The following AAGAB variants were observed in gnomAD, a reference collection of about 807,000 sequenced individuals.
AAGAB encodes the protein alpha and gamma adaptin binding protein, also known as alpha- and gamma-adaptin-binding protein p34.
AAGAB carries 38 observed loss-of-function variants against 44.1 expected under a neutral mutation model. The ratio of observed to expected loss-of-function variants is 0.86; its 90% CI spans 0.67 to 1.13. AAGAB has a LOEUF of 1.13. AAGAB is among the 50% of genes most tolerant of loss of function. AAGAB has a pLI of 0.00. For synonymous variants in AAGAB, 131 were observed against 131.8 expected (o/e 0.99, Z 0.04); for missense variants, 450 against 373.8 (o/e 1.20, Z -1.68).
rs12148121 is a variant in AAGAB at position 67,202,584 on chromosome 15, T to C, written c.*237A>G. The C allele has an allele frequency of 0.24, 115,802 of 484,966 alleles. 16,598 individuals are homozygous for C. Among genetic ancestry groups the C allele is most frequent in the East Asian group, 0.48 (15,405 of 32,016 alleles). The allele number at this position is 484,966 out of a possible 1,614,324, so 30.0% of individuals were successfully genotyped here. A position where few individuals can be genotyped will look rare whatever the true frequency, so the allele number is the denominator to read the frequency against. On this transcript the variant is annotated 3_prime_UTR_variant, in exon 10 of 10. Coordinates refer to ENST00000261880, the MANE Select transcript of AAGAB (RefSeq NM_024666.5). ...TCATTCCTAGAACAAAAAAAAAGTA[T>C]ATTTAAGAAATCCTCACTCATTACT...
chr15:67,247,218 G>A (rs770668897), intron 1 of AAGAB, among the ~76,000 whole-genome samples: 32 of 152,168 alleles, frequency 2.1e-4, no homozygotes, highest in Non-Finnish European at 3.1e-4. Flanking sequence ...CACTCACAAC[G>A]AGGGTTCACG....
intron 1 of AAGAB, among the ~76,000 whole-genome samples, chr15:67,249,381 A>C (rs534664138): frequency 6.6e-6 from 1 of 152,310 alleles, no homozygotes; most frequent in Admixed American, 6.5e-5. Flanking sequence ...AAATGATCTC[A>C]AATAACCCTT....
intron 5 of AAGAB, among the ~76,000 whole-genome samples, chr15:67,216,834 TAA>T (rs1277221839): frequency 6.6e-6 from 1 of 151,944 alleles, no homozygotes; most frequent in African/African-American, 2.4e-5. Flanking sequence ...AAGAAAGTAC[TAA>T]AAAAGTTTTT....
intron 5 of AAGAB, 110 bp from the exon 6 acceptor site, chr15:67,209,654 C>CAT (rs1011904423): frequency 9.9e-5 from 82 of 826,144 alleles, no homozygotes; most frequent in Non-Finnish European, 1.3e-4. Context: ...GTTCTAACTA[C>CAT]ATATATATAT....
Position 67,236,067 on chromosome 15 carries a change from A to C in AAGAB, c.363T>G (p.Gly121=). Reference sequence around the variant, plus strand: ...ATTCTTGAGCTTTTTGTCGGTTTATACCTAAAATAATATGCAAAAGAATCT... The same window carrying C: ...ATTCTTGAGCTTTTTGTCGGTTTATCCCTAAAATAATATGCAAAAGAATCT... ...ILVCDRVSED[G]INRQKAQEWC... is the part of the protein sequence containing the mutation. The change falls in exon 4 of 10, where the codon GGT becomes GGG. Residue 121 remains glycine, a splice_region_variant and synonymous_variant. Transcript: ENST00000261880. 1 of 1,601,348 alleles carries C rather than the reference A, an allele frequency of 6.2e-7. No homozygotes were observed. The highest frequency in any genetic ancestry group is 8.5e-7 in the Non-Finnish European group (1 of 1,171,646).
intron 7 of AAGAB, among the ~76,000 whole-genome samples, 171 bp downstream of exon 7, chr15:67,208,391 C>A (rs994288733): frequency 1.3e-5 from 2 of 152,148 alleles, no homozygotes; most frequent in Non-Finnish European, 2.9e-5. Flanking sequence ...TATATTTATT[C>A]TTCTTCCTTT....
chr15:67,213,767 GGTTA>G (rs1963878678), intron 5 of AAGAB, among the ~76,000 whole-genome samples: 1 of 151,996 alleles, frequency 6.6e-6, no homozygotes, highest in Non-Finnish European at 1.5e-5. Context: ...TTTTCCTAAG[GGTTA>G]GTAATAGATA....
intron 5 of AAGAB, among the ~76,000 whole-genome samples, chr15:67,225,566 C>T (rs971473949): frequency 3.3e-5 from 5 of 152,204 alleles, no homozygotes; most frequent in Admixed American, 3.3e-4. Context: ...CCTCTCCTCC[C>T]ATACCCTGGG....
At chr15:67,229,119 G>A (rs1205883356) in intron 5 of AAGAB, among the ~76,000 whole-genome samples, 6 of 152,068 alleles carry the variant, frequency 3.9e-5, no homozygotes, top group African/African-American at 7.2e-5. Context: ...AAACCTGCAC[G>A]TGTGCTCCTT....
At chr15:67,221,195 AG>A (rs1427955723) in intron 5 of AAGAB, 7 of 152,146 alleles carry the variant, frequency 4.6e-5, no homozygotes, top group Admixed American at 1.3e-4. Context: ...TTCACCTCCT[AG>A]GGAGACTAGG....
chr15:67,203,032 C>T (rs1398571016), intron 9 of AAGAB, 134 bp from the exon 10 acceptor site: 3 of 728,150 alleles, frequency 4.1e-6, no homozygotes, highest in African/African-American at 1.7e-5. Flanking sequence ...CATATCAGAA[C>T]CCTTGAATAC....
chr15:67,222,242 G>GCACACACACACACACA lies in AAGAB; in HGVS notation c.535+9556_535+9571dup, dbSNP rs370826027. On this transcript the variant is annotated intron_variant, in intron 5 of 9. Coordinates refer to ENST00000261880, the MANE Select transcript of AAGAB (RefSeq NM_024666.5). ...TGCATGCACGCGCACGCGCGCGCGC[G>GCACACACACACACACA]CACACACACACACACACACACACAC... Among the ~76,000 whole-genome samples, 54 of 90,126 alleles carry GCACACACACACACACA rather than the reference G, an allele frequency of 6.0e-4. 2 individuals carry two copies. The East Asian group carries it at 0.01, about 17-fold the overall frequency. 59.1% of individuals were successfully genotyped at this position (90,126 alleles called of 152,430 possible).
intron 9 of AAGAB, 21 bp from the exon 10 acceptor site, chr15:67,202,919 C>T (rs769516552): frequency 1.9e-6 from 3 of 1,612,024 alleles, no homozygotes; most frequent in Non-Finnish European, 2.5e-6. Flanking sequence ...AAGCATGCAA[C>T]AAATTTTAGG....
At chr15:67,231,092 T>A (rs1160870870) in intron 5 of AAGAB, among the ~76,000 whole-genome samples, 1 of 152,106 alleles carries the variant, frequency 6.6e-6, no homozygotes, top group Non-Finnish European at 1.5e-5. Context: ...CAGGCTGGTG[T>A]GCAGTGGCAT....
At chr15:67,211,703 C>T (rs1963824577) in intron 5 of AAGAB, among the ~76,000 whole-genome samples, 1 of 152,180 alleles carries the variant, frequency 6.6e-6, no homozygotes, top group South Asian at 2.1e-4. Context: ...TAACTTGGAC[C>T]TTGGGTAATT....
intron 5 of AAGAB, among the ~76,000 whole-genome samples, chr15:67,222,242 G>GCGCGCGCGCGCGCACACACACACACA (rs1367738219): frequency 2.2e-5 from 2 of 90,044 alleles, no homozygotes; most frequent in African/African-American, 7.5e-5. Flanking sequence ...GCGCGCGCGC[G>GCGCGCGCGCGCGCACACACACACACA]CACACACACA....
intron 5 of AAGAB, chr15:67,221,115 C>T (rs1964055502): frequency 6.6e-6 from 1 of 152,204 alleles, no homozygotes; most frequent in Non-Finnish European, 1.5e-5. Context: ...AGACAATTCC[C>T]ATTCTTCCCA....
intron 4 of AAGAB, 72 bp from the exon 5 acceptor site, chr15:67,231,969 T>G: frequency 7.4e-7 from 1 of 1,345,148 alleles, no homozygotes; most frequent in African/African-American, 1.4e-5. Flanking sequence ...TTCACAAAAA[T>G]GTGGCCAGGC....
At chr15:67,218,304 A>C (rs1484500459) in intron 5 of AAGAB, among the ~76,000 whole-genome samples, 1 of 152,212 alleles carries the variant, frequency 6.6e-6, no homozygotes, top group African/African-American at 2.4e-5. Flanking sequence ...CATGGACTGA[A>C]CTCCACACAG....
Sources: gnomAD v4.1 joint callset for allele counts (sites outside exome capture counted in the v4.1 genomes callset) on GRCh38, gnomAD v4.1.1 for gene constraint, MANE v1.5 for transcripts, NCBI Gene and HGNC (gene_info 2026-07-23, HGNC 2026-07-21) for gene names.